The following BORA variants were observed in gnomAD, a reference collection of about 807,000 sequenced individuals.
BORA encodes BORA aurora kinase A activator, also known as protein aurora borealis.
A neutral mutation model predicts 55.8 loss-of-function variants in BORA; 26 were observed. That is an observed-to-expected ratio of 0.47 (90% confidence interval 0.34 to 0.65). The LOEUF (loss-of-function observed/expected upper bound fraction) is 0.65, where lower values mean the gene tolerates loss of function less well. Ranked by LOEUF, BORA falls within the 30% of genes least tolerant of loss-of-function variation. The pLI is 0.01. For synonymous variants in BORA, 201 were observed against 216.9 expected (o/e 0.93, Z 0.64); for missense variants, 568 against 671.5 (o/e 0.85, Z 1.70).
In BORA at chr13:72,755,201, A is replaced by G. The variant is rs776644263; in HGVS notation, c.1665A>G (p.Gln555=). 1.5e-5 allele frequency: 25 copies of G among 1,613,292 alleles called. 1 individual carries two copies. The highest frequency in any genetic ancestry group is 2.2e-5 in the South Asian group (2 of 91,084). Residue 555 remains glutamine (Q), a synonymous_variant, in exon 12 of 12, where the codon CAA becomes CAG. Coordinates refer to ENST00000390667, the MANE Select transcript of BORA (RefSeq NM_024808.5). ...RCWMKTASPF[Q]CSSP Reference sequence around the variant, plus strand: ...GGATGAAAACAGCAAGCCCTTTTCAATGCAGCAGTCCATAGAATGCCTCTG... The same window carrying G: ...GGATGAAAACAGCAAGCCCTTTTCAGTGCAGCAGTCCATAGAATGCCTCTG...
chr13:72,742,763 TATATACACAC>T (rs1417558647), intron 5 of BORA, among the ~76,000 whole-genome samples: 10 of 45,990 alleles, frequency 2.2e-4, no homozygotes, highest in African/African-American at 5.1e-4. Context: ...GATATATATA[TATATACACAC>T]ACACACACAC....
Position 72,755,412 on chromosome 13 carries a change from A to G in BORA, c.*196A>G, listed in dbSNP as rs926312879. 9.5e-6 allele frequency: 5 copies of G among 527,858 alleles called. No individual in the cohort carries two copies. The highest frequency in any genetic ancestry group is 2.9e-5 in the South Asian group (1 of 34,328). The allele number at this position is 527,858 out of a possible 1,614,324, so 32.7% of individuals were successfully genotyped here. Reference sequence around the variant, plus strand: ...TCCTGGAACTTCAAGTTGCTGAATTATAAGTTTATTTTTTATCAATAAATA... The same window carrying G: ...TCCTGGAACTTCAAGTTGCTGAATTGTAAGTTTATTTTTTATCAATAAATA... On this transcript the variant is annotated 3_prime_UTR_variant, in exon 12 of 12. Coordinates refer to ENST00000390667, the MANE Select transcript of BORA (RefSeq NM_024808.5).
At chr13:72,746,471 T>C in intron 9 of BORA, 30 bp from the exon 10 acceptor site, 1 of 1,569,984 alleles carries the variant, frequency 6.4e-7, no homozygotes, top group Non-Finnish European at 8.6e-7. Context: ...GTTTTTATGA[T>C]GTGATTTTTT....
Position 72,755,483 on chromosome 13 carries a change from A to G in BORA, c.*267A>G. On this transcript the variant is annotated 3_prime_UTR_variant, in exon 12 of 12. Coordinates refer to ENST00000390667, the MANE Select transcript of BORA (RefSeq NM_024808.5). The stretch of plus-strand genomic sequence containing the variant: ...GATGTGTTTAACAACAAATTGTGAC[A>G]GAGCTGAGTGCTCCTATCTTACAGG... The G allele has an allele frequency of 2.3e-6, 1 of 441,110 alleles. No homozygotes were observed. Among genetic ancestry groups the G allele is most frequent in the Non-Finnish European group, 4.0e-6 (1 of 249,944 alleles). 27.3% of individuals were successfully genotyped at this position (441,110 alleles called of 1,614,324 possible).
intron 7 of BORA, 115 bp from the exon 8 acceptor site, chr13:72,744,865 CT>C: frequency 1.0e-6 from 1 of 961,242 alleles, no homozygotes; most frequent in East Asian, 2.6e-5. Flanking sequence ...ACTTTGCCCT[CT>C]TTTTGGGAAA....
At chr13:72,728,365 A>G in intron 1 of BORA, 1 of 601,446 alleles carries the variant, frequency 1.7e-6, no homozygotes, top group Non-Finnish European at 3.0e-6. Flanking sequence ...TTTGGAGGAA[A>G]GGGGACCCCA....
At chr13:72,734,369 T>G (rs2032877344) in intron 3 of BORA, among the ~76,000 whole-genome samples, 1 of 152,164 alleles carries the variant, frequency 6.6e-6, no homozygotes, top group East Asian at 1.9e-4. Context: ...GGACCCAAAA[T>G]TTTATATTAA....
chr13:72,728,886 C>CTTTGTAAT (rs771959197), intron 1 of BORA, 40 bp from the exon 2 acceptor site: 36 of 1,492,604 alleles, frequency 2.4e-5, no homozygotes, highest in Admixed American at 4.9e-5. Context: ...ATCTATGGGA[C>CTTTGTAAT]TTTGTAATTT....
chr13:72,746,672 T>G lies in BORA; in HGVS notation c.1043T>G (p.Val348Gly). The G allele has an allele frequency of 1.2e-6, 2 of 1,614,098 alleles. No homozygotes were observed. Among genetic ancestry groups the G allele is most frequent in the Non-Finnish European group, 1.7e-6 (2 of 1,179,956 alleles). ...YSGGTQYRTS[V>G]IQIPFTLETQ... ...GGTGGTACTCAGTATCGGACCTCAGTGATTCAGATACCTTTTACTCTTGAG... is the reference window on the plus strand; with the variant it reads ...GGTGGTACTCAGTATCGGACCTCAGGGATTCAGATACCTTTTACTCTTGAG... Residue 348 changes from valine (V) to glycine (G), a missense_variant, in exon 10 of 12, where the codon GTG becomes GGG. Val to Gly is a moderately radical substitution (Grantham distance 109). Transcript: ENST00000390667.
At chr13:72,730,425 A>T (rs1244810374) in intron 2 of BORA, among the ~76,000 whole-genome samples, 1 of 152,188 alleles carries the variant, frequency 6.6e-6, no homozygotes, top group African/African-American at 2.4e-5. Context: ...ATTTGCCTAG[A>T]ATATATTTCT....
intron 3 of BORA, 145 bp downstream of exon 3, chr13:72,731,532 T>C (rs2032816578): frequency 1.5e-6 from 1 of 654,440 alleles, no homozygotes; most frequent in African/African-American, 1.8e-5. Context: ...AATGAATGAG[T>C]TCAAAGAACT....
intron 4 of BORA, among the ~76,000 whole-genome samples, chr13:72,735,953 G>C (rs1181813314): frequency 6.6e-6 from 1 of 152,176 alleles, no homozygotes; most frequent in East Asian, 1.9e-4. Flanking sequence ...TCCTCAGAAA[G>C]TCTTTATGTG....
At chr13:72,729,970 T>A (rs1466174326) in intron 2 of BORA, among the ~76,000 whole-genome samples, 1 of 152,088 alleles carries the variant, frequency 6.6e-6, no homozygotes, top group Admixed American at 6.5e-5. Context: ...CTTTTTTTTT[T>A]TTTTGGTAGA....
At chr13:72,728,855 A>G in intron 1 of BORA, 71 bp from the exon 2 acceptor site, 1 of 1,354,526 alleles carries the variant, frequency 7.4e-7, no homozygotes, top group Non-Finnish European at 9.8e-7. Flanking sequence ...TGTCGAGTAC[A>G]TTTTAATAGT....
chr13:72,755,138 T>G lies in BORA; in HGVS notation c.1615-13T>G, dbSNP rs1566232259. 6.2e-7 allele frequency: 1 copy of G among 1,612,936 alleles called. No homozygotes were observed. Among genetic ancestry groups the G allele is most frequent in the Non-Finnish European group, 8.5e-7 (1 of 1,179,362 alleles). On this transcript the variant is annotated splice_polypyrimidine_tract_variant and intron_variant, in intron 11 of 11. Coordinates refer to ENST00000390667, the MANE Select transcript of BORA (RefSeq NM_024808.5). Reference sequence around the variant, plus strand: ...CTTAAACTGAAAACAAGGTATTGTCTTCTTTTTCACAGCAAGACCACACAA... The same window carrying G: ...CTTAAACTGAAAACAAGGTATTGTCGTCTTTTTCACAGCAAGACCACACAA...
At chr13:72,743,369 A>G (rs1047090451) in intron 5 of BORA, among the ~76,000 whole-genome samples, 168 bp from the exon 6 acceptor site, 3 of 152,182 alleles carry the variant, frequency 2.0e-5, no homozygotes, top group Non-Finnish European at 4.4e-5. Context: ...ATTCCCTCAA[A>G]GGTAAAAAAA....
chr13:72,745,672 AT>A (rs1265321389), intron 8 of BORA, among the ~76,000 whole-genome samples: 1 of 152,196 alleles, frequency 6.6e-6, no homozygotes, highest in Non-Finnish European at 1.5e-5. Flanking sequence ...GCATTAATAA[AT>A]TTAAAAATTT....
At chr13:72,748,542 T>G (rs1437050839) in intron 10 of BORA, among the ~76,000 whole-genome samples, 1 of 152,216 alleles carries the variant, frequency 6.6e-6, no homozygotes, top group Non-Finnish European at 1.5e-5. Flanking sequence ...TTGCTCATAT[T>G]TTTATGCTTC....
In BORA at chr13:72,756,032, G is replaced by A; in HGVS notation, c.*816G>A. ...TGTGAAGTAACACTGGGGCAGATAT[G>A]TATGTTATATACAACTATTTTTTTA... On this transcript the variant is annotated 3_prime_UTR_variant, in exon 12 of 12. Transcript: ENST00000390667. The A allele has an allele frequency of 2.5e-6, 1 of 398,426 alleles. No homozygotes were observed. The allele number at this position is 398,426 out of a possible 1,614,324, so 24.7% of individuals were successfully genotyped here.
Sources: gnomAD v4.1 joint callset for allele counts (sites outside exome capture counted in the v4.1 genomes callset) on GRCh38, gnomAD v4.1.1 for gene constraint, MANE v1.5 for transcripts, NCBI Gene and HGNC (gene_info 2026-07-23, HGNC 2026-07-21) for gene names.